SLC14A2: variants seen among roughly 807,000 people sequenced by gnomAD.
SLC14A2 encodes urea transporter 2.
Under a neutral mutation model 104.6 loss-of-function variants are expected in SLC14A2, and 91 were observed. That is an observed-to-expected ratio of 0.87 (90% confidence interval 0.73 to 1.04). SLC14A2 has a LOEUF of 1.04. Ranked by LOEUF, SLC14A2 falls within the 50% of genes least tolerant of loss-of-function variation. The pLI is 0.00. For synonymous variants in SLC14A2, 476 were observed against 466.4 expected, an observed-to-expected ratio of 1.02 and a Z score of -0.27; for missense variants, 1,189 against 1,156.0, an observed-to-expected ratio of 1.03 and a Z score of -0.41.
the SLC14A2 span, among the ~76,000 whole-genome samples, chr18:45,179,525 T>C: frequency 3.6e-4 from 55 of 152,306 alleles, no homozygotes; most frequent in Non-Finnish European, 2.6e-4. Flanking sequence ...GAATAATGCT[T>C]TTGCCACATT....
chr18:45,255,021 T>G (rs1418380546), intron 1 of SLC14A2, among the ~76,000 whole-genome samples: 1 of 152,190 alleles, frequency 6.6e-6, no homozygotes, highest in African/African-American at 2.4e-5. Flanking sequence ...ACCAGCACAC[T>G]TGCTCCCCTA....
At chr18:45,264,163 T>C (rs114172170) in intron 1 of SLC14A2, among the ~76,000 whole-genome samples, 2,588 of 152,340 alleles carry the variant, frequency 0.017, 70 homozygotes, top group African/African-American at 0.057. Flanking sequence ...TATCAGTTCA[T>C]ACTGACTCCT....
intron 2 of SLC14A2, among the ~76,000 whole-genome samples, chr18:45,565,259 A>G (rs1483764646): frequency 1.3e-5 from 2 of 151,780 alleles, no homozygotes; most frequent in African/African-American, 4.8e-5. Context: ...CGAGTAGCTG[A>G]GAGTACAGGC....
intron 1 of SLC14A2, among the ~76,000 whole-genome samples, chr18:45,250,806 A>G (rs2084415430): frequency 6.9e-6 from 1 of 144,536 alleles, no homozygotes; most frequent in South Asian, 2.1e-4. Flanking sequence ...GTGAGAAAGA[A>G]GGTTATCTTT....
chr18:45,667,169 C>T, intron 13 of SLC14A2, 75 bp downstream of exon 13: 1 of 1,217,712 alleles, frequency 8.2e-7, no homozygotes, highest in Non-Finnish European at 1.2e-6. Flanking sequence ...AACCCATTGC[C>T]ATGGGGGTTC....
chr18:45,279,922 C>T (rs1032861160), intron 1 of SLC14A2, among the ~76,000 whole-genome samples: 5 of 152,088 alleles, frequency 3.3e-5, no homozygotes, highest in African/African-American at 1.2e-4. Flanking sequence ...TGGAGGGTGT[C>T]CTGTGCCTTT....
intron 1 of SLC14A2, among the ~76,000 whole-genome samples, chr18:45,469,983 T>C (rs2087217494): frequency 6.6e-6 from 1 of 152,176 alleles, no homozygotes; most frequent in African/African-American, 2.4e-5. Flanking sequence ...AGTTGAAAAG[T>C]AGAGAAAATC....
intron 2 of SLC14A2, chr18:45,549,969 G>A (rs1275187641): frequency 6.7e-6 from 1 of 148,334 alleles, no homozygotes; most frequent in Non-Finnish European, 1.5e-5. Context: ...GTTTTTCCAT[G>A]TCTTATTTTT....
At chr18:45,357,268 C>A (rs1025780102) in intron 1 of SLC14A2, among the ~76,000 whole-genome samples, 2 of 124,960 alleles carry the variant, frequency 1.6e-5, no homozygotes, top group African/African-American at 6.8e-5. Flanking sequence ...GCTATTAATA[C>A]TATCAGGGCA....
intron 10 of SLC14A2, among the ~76,000 whole-genome samples, chr18:45,660,299 T>G (rs963508280): frequency 1.3e-5 from 2 of 152,112 alleles, no homozygotes; most frequent in Non-Finnish European, 2.9e-5. Flanking sequence ...CAAGAACATA[T>G]GATTAACTCT....
intron 2 of SLC14A2, among the ~76,000 whole-genome samples, chr18:45,547,319 T>C (rs1263446899): frequency 6.6e-6 from 1 of 152,200 alleles, no homozygotes; most frequent in Non-Finnish European, 1.5e-5. Flanking sequence ...TTCAGGGTCA[T>C]TTAAAGCCTG....
At chr18:45,564,477 C>A (rs2044241250) in intron 2 of SLC14A2, among the ~76,000 whole-genome samples, 1 of 152,142 alleles carries the variant, frequency 6.6e-6, no homozygotes, top group South Asian at 2.1e-4. Flanking sequence ...CACATGGTGA[C>A]AGCTACTGAT....
chr18:45,281,715 C>T (rs1469551373), intron 1 of SLC14A2, among the ~76,000 whole-genome samples: 1 of 152,152 alleles, frequency 6.6e-6, no homozygotes, highest in Non-Finnish European at 1.5e-5. Context: ...CACTTAATGG[C>T]TAAGGAGGGT....
At chr18:45,196,290 G>C in the SLC14A2 span, among the ~76,000 whole-genome samples, 4 of 152,178 alleles carry the variant, frequency 2.6e-5, no homozygotes, top group Admixed American at 6.5e-5. Flanking sequence ...CATTAGTTAC[G>C]AGTTTGCTGA....
the SLC14A2 span, among the ~76,000 whole-genome samples, chr18:45,181,778 AAAG>A: frequency 1.3e-5 from 2 of 149,980 alleles, no homozygotes; most frequent in South Asian, 4.3e-4. Flanking sequence ...AGAAATATAA[AAAG>A]AAATTTACAG....
At chr18:45,628,216 C>T (rs181867280) in intron 4 of SLC14A2, among the ~76,000 whole-genome samples, 25 of 151,794 alleles carry the variant, frequency 1.6e-4, no homozygotes, top group African/African-American at 5.3e-4. Flanking sequence ...GAGGCCAAGG[C>T]GAGTGGATCA....
intron 1 of SLC14A2, among the ~76,000 whole-genome samples, chr18:45,305,181 C>T (rs1021882348): frequency 5.9e-5 from 9 of 152,180 alleles, no homozygotes; most frequent in Admixed American, 2.0e-4. Flanking sequence ...AGAGGTAGGG[C>T]AGAGAACCTG....
chr18:45,437,507 G>A (rs1359945941), intron 1 of SLC14A2, among the ~76,000 whole-genome samples: 1 of 152,128 alleles, frequency 6.6e-6, no homozygotes, highest in Non-Finnish European at 1.5e-5. Flanking sequence ...TTCAAGCCTC[G>A]CATCTGGGAG....
At chr18:45,187,036 T>C in the SLC14A2 span, among the ~76,000 whole-genome samples, 1 of 152,156 alleles carries the variant, frequency 6.6e-6, no homozygotes, top group Non-Finnish European at 1.5e-5. Context: ...TTAGATGGTT[T>C]TCAGAAATTA....
Sources: gnomAD v4.1 joint callset for allele counts (sites outside exome capture counted in the v4.1 genomes callset) on GRCh38, gnomAD v4.1.1 for gene constraint, MANE v1.5 for transcripts, NCBI Gene and HGNC (gene_info 2026-07-23, HGNC 2026-07-21) for gene names.